Variants in AFF2 observed in about 807,000 individuals in gnomAD.
AFF2 encodes AF4/FMR2 family member 2.
In AFF2, 14 loss-of-function variants were observed where a neutral mutation model predicts 76.9. That is an observed-to-expected ratio of 0.18 (90% confidence interval 0.12 to 0.28). The LOEUF (loss-of-function observed/expected upper bound fraction) is 0.28. Ranked by LOEUF, AFF2 falls within the 10% of genes least tolerant of loss-of-function variation. AFF2 has a pLI of 1.00. For synonymous variants in AFF2, 398 were observed against 366.7 expected (o/e 1.09, Z -0.98); for missense variants, 868 against 1,001.1 (o/e 0.87, Z 1.79).
intron 3 of AFF2, among the ~76,000 whole-genome samples, chrX:148,701,014 G>GAGAGAGAA (rs1451473016): frequency 1.4e-4 from 13 of 92,427 alleles, no homozygotes; most frequent in Admixed American, 4.5e-4. Flanking sequence ...GAGAGAGAAT[G>GAGAGAGAA]TGTGTGTGTG....
chrX:148,940,868 C>T (rs1557285499), intron 9 of AFF2, among the ~76,000 whole-genome samples: 2 of 111,573 alleles, frequency 1.8e-5, no homozygotes, highest in Non-Finnish European at 3.8e-5. Flanking sequence ...CTCTTTTCTT[C>T]TCCCATTTGC....
intron 1 of AFF2, among the ~76,000 whole-genome samples, chrX:148,582,553 A>C (rs1313963345): frequency 2.7e-5 from 3 of 111,966 alleles, no homozygotes; most frequent in Non-Finnish European, 3.8e-5. Context: ...ATACCACATC[A>C]CATCTGCTAA....
intron 3 of AFF2, among the ~76,000 whole-genome samples, chrX:148,755,079 G>A (rs1557266779): frequency 9.0e-6 from 1 of 111,508 alleles, no homozygotes; most frequent in Non-Finnish European, 1.9e-5. Context: ...GAGTCAAAGA[G>A]ATAGATTAAT....
At chrX:148,837,775 A>C (rs782176907) in intron 5 of AFF2, 42 bp downstream of exon 5, 5 of 937,383 alleles carry the variant, frequency 5.3e-6, no homozygotes, top group Non-Finnish European at 7.6e-6. Flanking sequence ...GTCTTATTTT[A>C]ATTATACCAA....
intron 1 of AFF2, among the ~76,000 whole-genome samples, chrX:148,511,788 A>G (rs1482527364): frequency 2.7e-5 from 3 of 113,029 alleles, no homozygotes; most frequent in Non-Finnish European, 5.6e-5. Context: ...TTGGGCCCAA[A>G]GACCACATCC....
intron 1 of AFF2, among the ~76,000 whole-genome samples, chrX:148,626,627 G>GA (rs2053930096): frequency 9.0e-6 from 1 of 110,552 alleles, no homozygotes; most frequent in Non-Finnish European, 1.9e-5. Flanking sequence ...AAAGTTTTAG[G>GA]AAAGAATTCT....
chrX:148,606,968 G>T (rs1357129127), intron 1 of AFF2, among the ~76,000 whole-genome samples: 1 of 111,201 alleles, frequency 9.0e-6, no homozygotes, highest in East Asian at 2.8e-4. Flanking sequence ...TTGTTTCTGG[G>T]CATTACACAG....
At chrX:148,813,145 T>A (rs1056186193) in intron 4 of AFF2, among the ~76,000 whole-genome samples, 1 of 112,420 alleles carries the variant, frequency 8.9e-6, no homozygotes, top group East Asian at 2.8e-4. Flanking sequence ...TATTATTTCA[T>A]GAAATCGAAG....
intron 1 of AFF2, among the ~76,000 whole-genome samples, chrX:148,608,369 C>T (rs1394980124): frequency 1.6e-4 from 18 of 111,447 alleles, no homozygotes; most frequent in African/African-American, 5.9e-4. Context: ...GTCATGAAAT[C>T]TAAGAAGCAC....
intron 18 of AFF2, among the ~76,000 whole-genome samples, chrX:148,978,882 C>T: frequency 8.9e-6 from 1 of 112,086 alleles, no homozygotes; most frequent in Non-Finnish European, 1.9e-5. Flanking sequence ...CCCTGGAAGG[C>T]CTTTGTCCAT....
chrX:148,897,450 A>G (rs531857878), intron 8 of AFF2, among the ~76,000 whole-genome samples: 1 of 103,471 alleles, frequency 9.7e-6, no homozygotes, highest in South Asian at 4.5e-4. Flanking sequence ...AATTTTCTCA[A>G]TAAGGAAACT....
chrX:148,716,800 A>G (rs1303434989), intron 3 of AFF2, among the ~76,000 whole-genome samples: 1 of 111,485 alleles, frequency 9.0e-6, no homozygotes, highest in African/African-American at 3.3e-5. Flanking sequence ...TTTCTCACAA[A>G]TAGTTCTTGG....
At chrX:148,942,215 C>T (rs978999575) in intron 9 of AFF2, among the ~76,000 whole-genome samples, 2 of 107,477 alleles carry the variant, frequency 1.9e-5, no homozygotes, top group African/African-American at 6.8e-5. Context: ...AGAGGGGAAA[C>T]GTGCCACTGT....
intron 3 of AFF2, among the ~76,000 whole-genome samples, chrX:148,690,365 G>A (rs181686046): frequency 7.0e-4 from 79 of 112,428 alleles, no homozygotes; most frequent in Admixed American, 2.3e-3. Flanking sequence ...CTCTCTGGCA[G>A]TGTGGACCAT....
chrX:148,619,167 A>G (rs1314568584), intron 1 of AFF2, among the ~76,000 whole-genome samples: 1 of 111,765 alleles, frequency 8.9e-6, no homozygotes, highest in Admixed American at 9.5e-5. Context: ...CTTGCATACA[A>G]TCCCTCATGG....
chrX:148,544,004 G>A (rs2052890561), intron 1 of AFF2, among the ~76,000 whole-genome samples: 1 of 111,964 alleles, frequency 8.9e-6, no homozygotes, highest in African/African-American at 3.3e-5. Flanking sequence ...AAGCTGGGAA[G>A]ACAAGAAACA....
chrX:148,623,151 A>G (rs1055372526), intron 1 of AFF2, among the ~76,000 whole-genome samples: 5 of 111,423 alleles, frequency 4.5e-5, no homozygotes, highest in African/African-American at 1.6e-4. Flanking sequence ...CACATGCTGT[A>G]TTTTTCTGGG....
intron 1 of AFF2, among the ~76,000 whole-genome samples, chrX:148,613,872 A>C (rs782645824): frequency 8.9e-6 from 1 of 112,278 alleles, no homozygotes; most frequent in South Asian, 3.6e-4. Flanking sequence ...TGCACTCTGT[A>C]TCTCTGTTTT....
At chrX:148,671,846 GCCTCCTAAT>G (rs2054427423) in intron 3 of AFF2, among the ~76,000 whole-genome samples, 1 of 109,707 alleles carries the variant, frequency 9.1e-6, no homozygotes, top group Non-Finnish European at 1.9e-5. Context: ...TCAGCACATA[GCCTCCTAAT>G]CCTTTTGTCA....
Sources: gnomAD v4.1 joint callset for allele counts (sites outside exome capture counted in the v4.1 genomes callset) on GRCh38, gnomAD v4.1.1 for gene constraint, MANE v1.5 for transcripts, NCBI Gene and HGNC (gene_info 2026-07-23, HGNC 2026-07-21) for gene names.